The following ADAMTS17 variants were observed in gnomAD, a reference collection of about 807,000 sequenced individuals.
ADAMTS17 encodes the protein ADAM metallopeptidase with thrombospondin type 1 motif 17.
A neutral mutation model predicts 141.5 loss-of-function variants in ADAMTS17; 113 were observed. That is an observed-to-expected ratio of 0.80 (90% CI 0.69 to 0.93). The LOEUF is 0.93. Ranked by LOEUF, ADAMTS17 falls within the 40% of genes least tolerant of loss-of-function variation. The pLI, the probability that ADAMTS17 is intolerant of heterozygous loss-of-function variation, is 0.00. For synonymous variants in ADAMTS17, 768 were observed against 630.6 expected (o/e 1.22, Z -3.27); for missense variants, 1,659 against 1,517.9 (o/e 1.09, Z -1.54).
At chr15:100,209,073 T>A (rs1031121246) in intron 7 of ADAMTS17, among the ~76,000 whole-genome samples, 1 of 98,228 alleles carries the variant, frequency 1.0e-5, no homozygotes, top group Middle Eastern at 0.012. Context: ...AAAGGATGAA[T>A]ACAATGCAAG....
At chr15:100,330,013 C>T (rs58885869) in intron 3 of ADAMTS17, among the ~76,000 whole-genome samples, 1 of 152,198 alleles carries the variant, frequency 6.6e-6, no homozygotes, top group African/African-American at 2.4e-5. Context: ...GCACAACCCC[C>T]AGAAGTCAGC....
intron 4 of ADAMTS17, among the ~76,000 whole-genome samples, chr15:100,263,670 A>T (rs1156779276): frequency 1.3e-5 from 2 of 152,226 alleles, no homozygotes; most frequent in African/African-American, 2.4e-5. Context: ...CAGAGAAAAC[A>T]GGATTGCGAG....
At chr15:100,254,045 T>G in intron 7 of ADAMTS17, 91 bp downstream of exon 7, 1 of 1,267,966 alleles carries the variant, frequency 7.9e-7, no homozygotes, top group East Asian at 2.3e-5. Flanking sequence ...AGTGCTTGTT[T>G]GAGGACAGCT....
intron 9 of ADAMTS17, 96 bp downstream of exon 9, chr15:100,155,084 C>A (rs1435362162): frequency 2.5e-6 from 4 of 1,583,062 alleles, no homozygotes; most frequent in Admixed American, 3.4e-5. Context: ...AAAAGAGAGT[C>A]ATTTCTCCAC....
In ADAMTS17 at chr15:100,268,422, G is replaced by A. The variant is rs117180534; in HGVS notation, c.790-5987C>T. 5.4e-3 allele frequency among the ~76,000 whole-genome samples: 821 copies of A among 152,250 alleles called. 15 individuals carry two copies. In the East Asian group the frequency reaches 0.068, roughly 13 times the overall value. On this transcript the variant is annotated intron_variant, in intron 4 of 21. Transcript: ENST00000268070. ...ACTAATTTACCTTCCCACCAACAGC[G>A]TATGAGCATTTTTCTCTGCACCTTG...
At chr15:100,319,993 T>G (rs1292591198) in intron 3 of ADAMTS17, among the ~76,000 whole-genome samples, 1 of 152,058 alleles carries the variant, frequency 6.6e-6, no homozygotes, top group Non-Finnish European at 1.5e-5. Context: ...CATGAAAGAA[T>G]AGGACACTAT....
chr15:100,162,810 C>T (rs1170391287), intron 8 of ADAMTS17, among the ~76,000 whole-genome samples: 2 of 143,698 alleles, frequency 1.4e-5, no homozygotes, highest in East Asian at 4.7e-4. Flanking sequence ...TATATATGCA[C>T]ACATACACAT....
chr15:100,263,909 A>G (rs559372805), intron 4 of ADAMTS17, among the ~76,000 whole-genome samples: 35 of 152,304 alleles, frequency 2.3e-4, no homozygotes, highest in Admixed American at 2.1e-3. Flanking sequence ...ACCAGGGTCA[A>G]CTCAGGCCGA....
chr15:100,154,767 A>AC (rs1319281642), intron 9 of ADAMTS17, among the ~76,000 whole-genome samples: 5 of 150,810 alleles, frequency 3.3e-5, no homozygotes, highest in African/African-American at 1.2e-4. Context: ...GAGCAAACCC[A>AC]CCCCTCATCC....
At chr15:100,315,116 G>C (rs144239284) in intron 3 of ADAMTS17, among the ~76,000 whole-genome samples, 6 of 152,360 alleles carry the variant, frequency 3.9e-5, no homozygotes, top group Non-Finnish European at 8.8e-5. Flanking sequence ...TGATCTCAGA[G>C]GTAAAAGCAA....
intron 18 of ADAMTS17, among the ~76,000 whole-genome samples, chr15:100,000,692 T>G (rs1253492041): frequency 6.6e-6 from 1 of 152,088 alleles, no homozygotes; most frequent in Non-Finnish European, 1.5e-5. Context: ...TTTTGTATTT[T>G]TAGTAGAGAC....
rs187233654 is a variant in ADAMTS17 at position 100,139,969 on chromosome 15, C to T, written c.1474-6654G>A. Among the ~76,000 whole-genome samples the T allele has an allele frequency of 5.1e-4, 78 of 152,096 alleles. 2 individuals are homozygous for T. The highest frequency in any genetic ancestry group is 1.6e-3 in the African/African-American group (65 of 41,508). On this transcript the variant is annotated intron_variant, in intron 10 of 21. Coordinates refer to ENST00000268070, the MANE Select transcript of ADAMTS17 (RefSeq NM_139057.4). ...TTTCCTGGTTTTCATTATGGTTCTA[C>T]GGGCATGTAAGATTTTTTTATTTTT...
At chr15:100,057,944 C>T (rs2032731436) in intron 15 of ADAMTS17, among the ~76,000 whole-genome samples, 2 of 152,036 alleles carry the variant, frequency 1.3e-5, no homozygotes, top group African/African-American at 4.8e-5. Flanking sequence ...TTCACACATG[C>T]TTTTTGGAGG....
At chr15:100,085,511 C>T (rs1050823247) in intron 15 of ADAMTS17, among the ~76,000 whole-genome samples, 5 of 151,672 alleles carry the variant, frequency 3.3e-5, no homozygotes, top group African/African-American at 7.3e-5. Context: ...AGATACTCCT[C>T]GAGAAGAGCG....
At chr15:100,265,493 T>G (rs2043680548) in intron 4 of ADAMTS17, among the ~76,000 whole-genome samples, 1 of 152,206 alleles carries the variant, frequency 6.6e-6, no homozygotes, top group African/African-American at 2.4e-5. Context: ...TCACATTTCC[T>G]TGGCAGCCTA....
At chr15:100,062,046 T>C (rs1194259729) in intron 15 of ADAMTS17, among the ~76,000 whole-genome samples, 1 of 152,190 alleles carries the variant, frequency 6.6e-6, no homozygotes, top group Non-Finnish European at 1.5e-5. Context: ...GCTGTCACTT[T>C]GAAGCTGCCA....
chr15:100,024,801 C>G (rs1252246443), intron 18 of ADAMTS17, among the ~76,000 whole-genome samples: 1 of 152,212 alleles, frequency 6.6e-6, no homozygotes, highest in African/African-American at 2.4e-5. Flanking sequence ...CCCTCCACCC[C>G]ACTCCCCTGC....
chr15:100,172,575 T>C (rs959188030), intron 8 of ADAMTS17, among the ~76,000 whole-genome samples: 1 of 152,206 alleles, frequency 6.6e-6, no homozygotes, highest in Non-Finnish European at 1.5e-5. Context: ...TGCTCTGACC[T>C]AAGTCACCTT....
At chr15:100,239,861 T>C (rs2042775753) in intron 7 of ADAMTS17, among the ~76,000 whole-genome samples, 1 of 152,080 alleles carries the variant, frequency 6.6e-6, no homozygotes, top group Non-Finnish European at 1.5e-5. Flanking sequence ...TGGTGAGCCC[T>C]CTGGGGAAAG....
Sources: gnomAD v4.1 joint callset for allele counts (sites outside exome capture counted in the v4.1 genomes callset) on GRCh38, gnomAD v4.1.1 for gene constraint, MANE v1.5 for transcripts, NCBI Gene and HGNC (gene_info 2026-07-23, HGNC 2026-07-21) for gene names.